Variants in LAMA2 observed in about 807,000 individuals in gnomAD.
LAMA2 encodes laminin subunit alpha 2.
Under a neutral mutation model 364.8 loss-of-function variants are expected in LAMA2, and 269 were observed. The ratio of observed to expected loss-of-function variants is 0.74; its 90% CI spans 0.67 to 0.82. LAMA2 has a LOEUF of 0.82. LAMA2 is among the 40% of genes least tolerant of loss of function. LAMA2 has a pLI of 0.00. For missense variants in LAMA2, 3,807 were observed against 3,873.2 expected, an observed-to-expected ratio of 0.98 and a Z score of 0.45; for synonymous variants, 1,379 against 1,370.6, an observed-to-expected ratio of 1.01 and a Z score of -0.14.
At chr6:128,987,284 C>T (rs1004031648) in intron 1 of LAMA2, among the ~76,000 whole-genome samples, 10 of 151,798 alleles carry the variant, frequency 6.6e-5, no homozygotes, top group South Asian at 2.1e-4. Flanking sequence ...AGACTACAGG[C>T]GTGTGCCCCA....
At position 129,013,449 on chromosome 6, in the gene LAMA2, A is replaced by T. The variant is rs538545783; in HGVS notation, c.113-36469A>T. 4.9e-3 allele frequency among the ~76,000 whole-genome samples: 742 copies of T among 151,832 alleles called. 4 individuals carry two copies. Among genetic ancestry groups the T allele is most frequent in the African/African-American group, 0.016 (659 of 41,404 alleles). ...GAGACTCCATCTCAAAAAAAAAAAAATTTTTTTTGAATAAATAGAATAATG... is the reference window on the plus strand; with the variant it reads ...GAGACTCCATCTCAAAAAAAAAAAATTTTTTTTTGAATAAATAGAATAATG... On this transcript the variant is annotated intron_variant, in intron 1 of 64. Coordinates refer to ENST00000421865, the MANE Select transcript of LAMA2 (RefSeq NM_000426.4).
chr6:128,890,597 C>G (rs1202682965), intron 1 of LAMA2, among the ~76,000 whole-genome samples: 2 of 150,824 alleles, frequency 1.3e-5, no homozygotes, highest in Non-Finnish European at 2.9e-5. Context: ...TAGACATATA[C>G]ACACATGTAT....
At chr6:129,397,324 A>C (rs1230975981) in intron 37 of LAMA2, among the ~76,000 whole-genome samples, 1 of 151,908 alleles carries the variant, frequency 6.6e-6, no homozygotes, top group Admixed American at 6.6e-5. Context: ...ATGCTACATC[A>C]TTTTCTATCT....
intron 3 of LAMA2, among the ~76,000 whole-genome samples, chr6:129,083,738 C>G (rs934934626): frequency 3.3e-5 from 5 of 152,116 alleles, no homozygotes; most frequent in African/African-American, 1.2e-4. Flanking sequence ...CGTGTTCTTT[C>G]CTTTTCAAGA....
At chr6:129,250,597 A>T (rs1786108964) in intron 13 of LAMA2, among the ~76,000 whole-genome samples, 1 of 152,220 alleles carries the variant, frequency 6.6e-6, no homozygotes, top group African/African-American at 2.4e-5. Flanking sequence ...AGATAAAATA[A>T]AATGAAACAG....
At chr6:129,094,482 T>C (rs935373257) in intron 3 of LAMA2, among the ~76,000 whole-genome samples, 1 of 152,216 alleles carries the variant, frequency 6.6e-6, no homozygotes, top group Non-Finnish European at 1.5e-5. Context: ...ATTATTTTTA[T>C]CTATTATTCC....
At chr6:129,483,406 A>G (rs927295741) in intron 55 of LAMA2, among the ~76,000 whole-genome samples, 24 of 152,152 alleles carry the variant, frequency 1.6e-4, no homozygotes, top group African/African-American at 5.8e-4. Context: ...TAATTTAAGA[A>G]TCATTATAAC....
intron 4 of LAMA2, among the ~76,000 whole-genome samples, chr6:129,137,728 C>A (rs953551783): frequency 6.6e-6 from 1 of 151,882 alleles, no homozygotes; most frequent in Non-Finnish European, 1.5e-5. Context: ...AAGCTCTAGT[C>A]CAGTCTATAG....
chr6:128,917,027 A>G (rs572357924), intron 1 of LAMA2, among the ~76,000 whole-genome samples: 2 of 151,994 alleles, frequency 1.3e-5, no homozygotes, highest in South Asian at 4.1e-4. Context: ...TTATTCCACC[A>G]TATCTACCTT....
At position 129,259,412 on chromosome 6, in the gene LAMA2, C is replaced by T. The variant is rs113902644; in HGVS notation, c.2097-1299C>T. Among the ~76,000 whole-genome samples, 426 of 152,108 alleles carry T rather than the reference C, an allele frequency of 2.8e-3. 4 individuals are homozygous for T. Among genetic ancestry groups the T allele is most frequent in the Middle Eastern group, 0.014 (4 of 294 alleles). ...TGCAGGCCATAGCGAGAATCAGTTG[C>T]TTCTTTCTTATGGTTACAAGATGCC... On this transcript the variant is annotated intron_variant, in intron 14 of 64. Transcript: ENST00000421865.
chr6:129,216,286 G>A (rs1205786430), intron 12 of LAMA2, among the ~76,000 whole-genome samples: 3 of 152,070 alleles, frequency 2.0e-5, no homozygotes, highest in African/African-American at 7.2e-5. Flanking sequence ...ATATCCTTGA[G>A]GGCAAAACAT....
At chr6:128,930,068 C>G (rs1041743493) in intron 1 of LAMA2, 2 of 349,304 alleles carry the variant, frequency 5.7e-6, no homozygotes, top group Admixed American at 4.6e-5. Context: ...CAGGGCCGGC[C>G]GGCAGCGGGG....
intron 4 of LAMA2, among the ~76,000 whole-genome samples, chr6:129,128,568 C>G (rs541442071): frequency 3.3e-5 from 5 of 152,288 alleles, no homozygotes; most frequent in Admixed American, 3.3e-4. Flanking sequence ...GCACTGAAAT[C>G]TGTAGATTGC....
intron 32 of LAMA2, among the ~76,000 whole-genome samples, chr6:129,365,438 C>T (rs933410668): frequency 6.6e-6 from 1 of 152,196 alleles, no homozygotes; most frequent in African/African-American, 2.4e-5. Flanking sequence ...TCTTGGCTCA[C>T]TGCAACCTCC....
At chr6:129,196,686 TG>T (rs1781871926) in intron 12 of LAMA2, among the ~76,000 whole-genome samples, 1 of 152,160 alleles carries the variant, frequency 6.6e-6, no homozygotes, top group Admixed American at 6.5e-5. Flanking sequence ...TTGGATTAAA[TG>T]GGTTAGTTAA....
At chr6:129,429,816 G>A (rs184387490) in intron 41 of LAMA2, among the ~76,000 whole-genome samples, 1 of 152,184 alleles carries the variant, frequency 6.6e-6, no homozygotes, top group African/African-American at 2.4e-5. Flanking sequence ...ATAATACCAG[G>A]GCCGTGCCCT....
chr6:129,144,127 T>A, intron 5 of LAMA2, 47 bp downstream of exon 5: 2 of 1,449,382 alleles, frequency 1.4e-6, no homozygotes, highest in Non-Finnish European at 1.9e-6. Context: ...ATATCCCACT[T>A]ATCTTTTTGT....
intron 1 of LAMA2, among the ~76,000 whole-genome samples, chr6:128,987,281 A>C (rs956016300): frequency 1.3e-4 from 20 of 151,882 alleles, no homozygotes; most frequent in Non-Finnish European, 2.1e-4. Flanking sequence ...CTAAGACTAC[A>C]GGCGTGTGCC....
intron 12 of LAMA2, among the ~76,000 whole-genome samples, chr6:129,227,452 C>A (rs1323358818): frequency 1.3e-5 from 2 of 152,164 alleles, no homozygotes; most frequent in Non-Finnish European, 2.9e-5. Context: ...TTTTCCCCAT[C>A]TTTGTGGTTT....
Sources: gnomAD v4.1 joint callset for allele counts (sites outside exome capture counted in the v4.1 genomes callset) on GRCh38, gnomAD v4.1.1 for gene constraint, MANE v1.5 for transcripts, NCBI Gene and HGNC (gene_info 2026-07-23, HGNC 2026-07-21) for gene names.